Variants in PPFIBP1 observed in about 807,000 individuals in gnomAD.
PPFIBP1 encodes liprin-beta-1.
Under a neutral mutation model 137.8 loss-of-function variants are expected in PPFIBP1, and 112 were observed. That is an observed-to-expected ratio of 0.81 (90% CI 0.70 to 0.95). The LOEUF (loss-of-function observed/expected upper bound fraction) is 0.95. Ranked by LOEUF, PPFIBP1 falls within the 40% of genes least tolerant of loss-of-function variation. PPFIBP1 has a pLI of 0.00. For synonymous variants in PPFIBP1, 378 were observed against 417.3 expected (o/e 0.91, Z 1.15); for missense variants, 1,083 against 1,196.6 (o/e 0.91, Z 1.40).
chr12:27,682,430 T>G lies in PPFIBP1; in HGVS notation c.2090T>G (p.Leu697Arg). The G allele has an allele frequency of 1.2e-6, 2 of 1,614,050 alleles. No individual in the cohort carries two copies. The highest frequency in any genetic ancestry group is 2.2e-5 in the South Asian group (2 of 91,070). Residue 697 changes from leucine (L) to arginine (R), a missense_variant, in exon 23 of 30, where the codon CTA becomes CGA. Transcript: ENST00000228425. ...KHSLHRKKLQ[L>R]ALQALGSEEE... ...TCACTTCATCGAAAGAAACTCCAGC[T>G]AGCACTCCAAGCCCTGGGATCTGAA... is the stretch of plus-strand genomic sequence containing the variant.
At chr12:27,643,048 G>A (rs2058227540) in intron 4 of PPFIBP1, among the ~76,000 whole-genome samples, 1 of 151,862 alleles carries the variant, frequency 6.6e-6, no homozygotes, top group Non-Finnish European at 1.5e-5. Context: ...CAGGCGGTCG[G>A]TTAGCTCAGT....
rs1221475942 is a variant in PPFIBP1, at chr12:27,645,967, G to A, written c.271-95G>A. 3.4e-6 allele frequency: 3 copies of A among 881,018 alleles called. No individual in the cohort carries two copies. In the African/African-American group the frequency reaches 5.1e-5, roughly 15 times the overall value. The allele number at this position is 881,018 out of a possible 1,614,324, so 54.6% of individuals were successfully genotyped here. ...GTGACAGCTGTGCAGATTCAATTCA[G>A]GCCCCTTGGACTAAGAACACTTGTG... is the stretch of plus-strand genomic sequence containing the variant. On this transcript the variant is annotated intron_variant, in intron 4 of 29. Coordinates refer to ENST00000228425, the MANE Select transcript of PPFIBP1 (RefSeq NM_003622.4).
Position 27,645,957 on chromosome 12 carries a change from A to G in PPFIBP1, c.271-105A>G, listed in dbSNP as rs1033724622. ...CTGTTTGACAGTGACAGCTGTGCAG[A>G]TTCAATTCAGGCCCCTTGGACTAAG... On this transcript the variant is annotated intron_variant, in intron 4 of 29. Coordinates refer to ENST00000228425, the MANE Select transcript of PPFIBP1 (RefSeq NM_003622.4). 25 of 800,826 alleles carry G rather than the reference A, an allele frequency of 3.1e-5. No homozygotes were observed. The African/African-American group carries it at 4.2e-4, about 13-fold the overall frequency. The allele number at this position is 800,826 out of a possible 1,614,324, so 49.6% of individuals were successfully genotyped here.
At position 27,622,110 on chromosome 12, in the gene PPFIBP1, T is replaced by A. The variant is rs188321431; in HGVS notation, c.-35-11252T>A. Among the ~76,000 whole-genome samples, 11 of 152,316 alleles carry A rather than the reference T, an allele frequency of 7.2e-5. No individual in the cohort carries two copies. The East Asian group carries it at 9.6e-4, about 13-fold the overall frequency. On this transcript the variant is annotated intron_variant, in intron 2 of 29. Transcript: ENST00000228425. ...ACTTGCCGTTTAATTGTCTTCATCA[T>A]TTTATATGTGTGGAAAGAGAACAGA...
intron 2 of PPFIBP1, among the ~76,000 whole-genome samples, chr12:27,598,538 C>CTG (rs71039825): frequency 0.016 from 2,432 of 150,790 alleles, 15 homozygotes; most frequent in East Asian, 0.027. Flanking sequence ...TCTCTATAAT[C>CTG]TGTGTGTGTG....
intron 1 of PPFIBP1, among the ~76,000 whole-genome samples, chr12:27,564,794 G>A (rs1013879496): frequency 2.0e-5 from 3 of 151,892 alleles, no homozygotes; most frequent in Admixed American, 6.6e-5. Flanking sequence ...TTCTCATGGC[G>A]TCCTCTCCTA....
intron 27 of PPFIBP1, 64 bp from the exon 28 acceptor site, chr12:27,691,685 C>T (rs2061556526): frequency 1.5e-6 from 2 of 1,356,800 alleles, no homozygotes; most frequent in South Asian, 1.4e-5. Flanking sequence ...CACATGTTAT[C>T]AGGCCTTGAT....
intron 1 of PPFIBP1, among the ~76,000 whole-genome samples, chr12:27,572,908 C>T (rs909849640): frequency 6.6e-6 from 1 of 152,202 alleles, no homozygotes; most frequent in African/African-American, 2.4e-5. Flanking sequence ...TCTTGTACCA[C>T]TTGATCTTCA....
chr12:27,577,815 A>T (rs1219178101), intron 1 of PPFIBP1, among the ~76,000 whole-genome samples: 1 of 152,180 alleles, frequency 6.6e-6, no homozygotes, highest in Non-Finnish European at 1.5e-5. Context: ...CTCAACAAAC[A>T]TTCATAGAGT....
chr12:27,659,507 G>C (rs182026250), intron 10 of PPFIBP1, among the ~76,000 whole-genome samples: 15 of 152,128 alleles, frequency 9.9e-5, no homozygotes, highest in African/African-American at 3.4e-4. Context: ...CAGCTACTCA[G>C]GAGGCTGAGG....
intron 2 of PPFIBP1, chr12:27,599,464 C>T (rs2053715340): frequency 8.8e-6 from 4 of 455,972 alleles, no homozygotes; most frequent in South Asian, 3.1e-5. Context: ...TGGGACTTCT[C>T]AGCCTACATA....
intron 4 of PPFIBP1, chr12:27,636,172 C>T (rs552019927): frequency 2.0e-3 from 302 of 152,282 alleles, no homozygotes; most frequent in African/African-American, 7.0e-3. Flanking sequence ...GTGCTGAATA[C>T]TCTGTGTTCC....
At chr12:27,556,242 C>T (rs930584205) in intron 1 of PPFIBP1, among the ~76,000 whole-genome samples, 4 of 152,240 alleles carry the variant, frequency 2.6e-5, no homozygotes, top group Middle Eastern at 3.4e-3. Flanking sequence ...CCATAGCCAC[C>T]TGGGAGTAAC....
At chr12:27,615,486 T>A (rs1434410906) in intron 2 of PPFIBP1, among the ~76,000 whole-genome samples, 4 of 152,218 alleles carry the variant, frequency 2.6e-5, no homozygotes, top group Non-Finnish European at 5.9e-5. Flanking sequence ...GAGGAATTTA[T>A]GGTATTTACT....
In PPFIBP1 at chr12:27,644,244, G is replaced by GTTTTTTTTTTTTTTTTTTTT. The variant is rs3842650; in HGVS notation, c.271-1812_271-1793dup. 5.4e-4 allele frequency among the ~76,000 whole-genome samples: 64 copies of GTTTTTTTTTTTTTTTTTTTT among 117,742 alleles called. 2 individuals carry two copies. Among genetic ancestry groups the GTTTTTTTTTTTTTTTTTTTT allele is most frequent in the South Asian group, 1.0e-3 (3 of 2,866 alleles). 77.2% of individuals were successfully genotyped at this position (117,742 alleles called of 152,430 possible). ...GGCGCACACCACCAAGCTTGGCTAAGTTTTTTTTTTTTTTTTTTTTTTTTT... is the reference window on the plus strand; with the variant it reads ...GGCGCACACCACCAAGCTTGGCTAAGTTTTTTTTTTTTTTTTTTTTTTTTTTTTTTTTTTTTTTTTTTTTT... On this transcript the variant is annotated intron_variant, in intron 4 of 29. Coordinates refer to ENST00000228425, the MANE Select transcript of PPFIBP1 (RefSeq NM_003622.4).
rs145373000 is a variant in PPFIBP1 at position 27,610,381 on chromosome 12, T to A, written c.-35-22981T>A. Among the ~76,000 whole-genome samples the A allele has an allele frequency of 2.7e-3, 415 of 152,330 alleles. 2 individuals carry two copies. Among genetic ancestry groups the A allele is most frequent in the South Asian group, 8.1e-3 (39 of 4,830 alleles). On this transcript the variant is annotated intron_variant, in intron 2 of 29. Transcript: ENST00000228425. ...TACACTGCTAGCTCTGTAGCTGTTT[T>A]TCAGAGTTGAAGACCAAGTGTGATT...
intron 9 of PPFIBP1, 75 bp from the exon 10 acceptor site, chr12:27,658,741 A>C: frequency 6.9e-7 from 1 of 1,449,712 alleles, no homozygotes. Flanking sequence ...AAGAGACTAA[A>C]TAGTAGTGAT....
At chr12:27,615,388 A>G (rs2055631554) in intron 2 of PPFIBP1, among the ~76,000 whole-genome samples, 3 of 152,192 alleles carry the variant, frequency 2.0e-5, no homozygotes, top group Admixed American at 2.0e-4. Flanking sequence ...GTCCACACCC[A>G]ACAGAGGGGT....
At chr12:27,574,787 G>C (rs967210218) in intron 1 of PPFIBP1, among the ~76,000 whole-genome samples, 1 of 152,132 alleles carries the variant, frequency 6.6e-6, no homozygotes, top group Non-Finnish European at 1.5e-5. Flanking sequence ...CTTAACCTTG[G>C]ACAAGTTATT....
Sources: gnomAD v4.1 joint callset for allele counts (sites outside exome capture counted in the v4.1 genomes callset) on GRCh38, gnomAD v4.1.1 for gene constraint, MANE v1.5 for transcripts, NCBI Gene and HGNC (gene_info 2026-07-23, HGNC 2026-07-21) for gene names.